Variants in SESN3 observed in about 807,000 individuals in gnomAD.
The protein encoded by SESN3 is sestrin-3.
Under a neutral mutation model 55.3 loss-of-function variants are expected in SESN3, and 21 were observed. The ratio of observed to expected loss-of-function variants is 0.38; its 90% CI spans 0.27 to 0.55. The LOEUF (loss-of-function observed/expected upper bound fraction) is 0.55, where lower values mean the gene tolerates loss of function less well. SESN3 is among the 20% of genes least tolerant of loss of function. The pLI is 0.76. For missense variants in SESN3, 408 were observed against 604.3 expected, an observed-to-expected ratio of 0.68 and a Z score of 3.41; for synonymous variants, 181 against 203.1, an observed-to-expected ratio of 0.89 and a Z score of 0.93.
At chr11:95,206,441 CA>C (rs1860548790) in intron 1 of SESN3, among the ~76,000 whole-genome samples, 1 of 151,230 alleles carries the variant, frequency 6.6e-6, no homozygotes, top group Non-Finnish European at 1.5e-5. Context: ...TCATAACATC[CA>C]AAGTTTCTCA....
At chr11:95,188,757 TA>T (rs1278572048) in intron 4 of SESN3, among the ~76,000 whole-genome samples, 5 of 151,924 alleles carry the variant, frequency 3.3e-5, no homozygotes, top group African/African-American at 1.2e-4. Context: ...GTACTGTGAT[TA>T]TTGTCATTAC....
chr11:95,208,389 A>G (rs568297237), intron 1 of SESN3, among the ~76,000 whole-genome samples: 9 of 151,600 alleles, frequency 5.9e-5, no homozygotes, highest in African/African-American at 1.9e-4. Flanking sequence ...CTTCAAATAC[A>G]GCTGTTCCTT....
intron 1 of SESN3, among the ~76,000 whole-genome samples, chr11:95,194,779 G>A (rs1860330307): frequency 6.6e-6 from 1 of 152,040 alleles, no homozygotes; most frequent in Non-Finnish European, 1.5e-5. Flanking sequence ...GAAAATAACA[G>A]GTTTCTTCCT....
In SESN3 at chr11:95,172,979, C is replaced by A; in HGVS notation, c.*276G>T. ...AAGTTAAGCATTAATACGCCAGATT[C>A]ATGATTTATGATCAGTATCCAAAAC... On this transcript the variant is annotated 3_prime_UTR_variant, in exon 10 of 10. Transcript: ENST00000536441. The A allele has an allele frequency of 3.0e-6, 1 of 333,590 alleles. No homozygotes were observed. The highest frequency in any genetic ancestry group is 5.5e-6 in the Non-Finnish European group (1 of 181,604). The allele number at this position is 333,590 out of a possible 1,614,324, so 20.7% of individuals were successfully genotyped here. A position where few individuals can be genotyped will look rare whatever the true frequency, so the allele number is the denominator to read the frequency against.
chr11:95,178,608 G>A, intron 7 of SESN3, 102 bp downstream of exon 7: 1 of 731,814 alleles, frequency 1.4e-6, no homozygotes, highest in Non-Finnish European at 2.4e-6. Flanking sequence ...AAGATTTATA[G>A]ATTCTATCAA....
At chr11:95,203,532 G>A (rs1294923394) in intron 1 of SESN3, among the ~76,000 whole-genome samples, 1 of 152,108 alleles carries the variant, frequency 6.6e-6, no homozygotes, top group Non-Finnish European at 1.5e-5. Context: ...AGTTTTGAAA[G>A]GAGCAGTCAC....
chr11:95,197,710 C>T (rs1192384335), intron 1 of SESN3, among the ~76,000 whole-genome samples: 1 of 152,106 alleles, frequency 6.6e-6, no homozygotes, highest in Non-Finnish European at 1.5e-5. Flanking sequence ...TCTATGGCTA[C>T]CATATTCTTT....
intron 1 of SESN3, among the ~76,000 whole-genome samples, chr11:95,196,339 C>T (rs1449700266): frequency 6.6e-6 from 1 of 152,178 alleles, no homozygotes; most frequent in Admixed American, 6.5e-5. Context: ...ATAAATTCTA[C>T]TCTAAACACA....
chr11:95,188,624 T>C (rs1860210328), intron 4 of SESN3, among the ~76,000 whole-genome samples: 1 of 151,918 alleles, frequency 6.6e-6, no homozygotes, highest in South Asian at 2.1e-4. Context: ...TATTCTTTCT[T>C]TGAAATGCCC....
intron 1 of SESN3, among the ~76,000 whole-genome samples, chr11:95,211,710 C>T (rs1347382677): frequency 6.6e-6 from 1 of 152,012 alleles, no homozygotes; most frequent in Non-Finnish European, 1.5e-5. Context: ...GCGGAGGTTG[C>T]AGTGAGTCGA....
At chr11:95,221,884 G>C (rs148833683) in intron 1 of SESN3, among the ~76,000 whole-genome samples, 1 of 152,222 alleles carries the variant, frequency 6.6e-6, no homozygotes, top group Non-Finnish European at 1.5e-5. Context: ...AAAAGTAAAG[G>C]CTAGTTATGG....
intron 1 of SESN3, among the ~76,000 whole-genome samples, chr11:95,199,269 T>C (rs1019624297): frequency 5.9e-5 from 9 of 152,114 alleles, no homozygotes; most frequent in Non-Finnish European, 1.3e-4. Flanking sequence ...TTTCTATGTG[T>C]CACTTGTATG....
chr11:95,220,361 C>A (rs944681033), intron 1 of SESN3, among the ~76,000 whole-genome samples: 10 of 151,844 alleles, frequency 6.6e-5, no homozygotes, highest in African/African-American at 2.4e-4. Flanking sequence ...GACACTAGAG[C>A]AGTATTAAAT....
intron 1 of SESN3, among the ~76,000 whole-genome samples, chr11:95,197,333 A>C (rs1051737130): frequency 4.6e-5 from 7 of 152,086 alleles, no homozygotes; most frequent in Admixed American, 3.9e-4. Flanking sequence ...CACAGTCTTT[A>C]GATCACAGCT....
chr11:95,195,592 T>C (rs753579092), intron 1 of SESN3, among the ~76,000 whole-genome samples: 6 of 152,228 alleles, frequency 3.9e-5, no homozygotes, highest in Non-Finnish European at 8.8e-5. Context: ...GACATCATTT[T>C]AGCAATTATC....
chr11:95,188,385 TTC>T (rs1860205500), intron 4 of SESN3, among the ~76,000 whole-genome samples: 1 of 151,740 alleles, frequency 6.6e-6, no homozygotes, highest in African/African-American at 2.4e-5. Flanking sequence ...TACACAAATA[TTC>T]TGTTAATATT....
chr11:95,211,836 GACA>G (rs1391578569), intron 1 of SESN3, among the ~76,000 whole-genome samples: 1 of 152,044 alleles, frequency 6.6e-6, no homozygotes, highest in Non-Finnish European at 1.5e-5. Flanking sequence ...AACACAACTA[GACA>G]ACATGTTTAG....
rs1320838310 is a variant in SESN3 at position 95,172,057 on chromosome 11, A to G, written c.*1198T>C. On this transcript the variant is annotated 3_prime_UTR_variant, in exon 10 of 10. Coordinates refer to ENST00000536441, the MANE Select transcript of SESN3 (RefSeq NM_144665.4). Reference sequence around the variant, plus strand: ...TAAAACTGAAAAAAGCCTGTGCAATAAAGAAATTTGAAAAAAATTTCTTTA... The same window carrying G: ...TAAAACTGAAAAAAGCCTGTGCAATGAAGAAATTTGAAAAAAATTTCTTTA... 3 of 152,186 alleles carry G rather than the reference A, an allele frequency of 2.0e-5. No homozygotes were observed. Among genetic ancestry groups the G allele is most frequent in the Non-Finnish European group, 4.4e-5 (3 of 68,014 alleles). The allele number at this position is 152,186 out of a possible 1,614,324, so 9.4% of individuals were successfully genotyped here.
chr11:95,211,555 C>G (rs1860655622), intron 1 of SESN3, among the ~76,000 whole-genome samples: 1 of 152,158 alleles, frequency 6.6e-6, no homozygotes, highest in African/African-American at 2.4e-5. Flanking sequence ...GCCACGAGGT[C>G]AGGAGTTTGA....
Sources: allele counts gnomAD v4.1 joint callset (sites outside exome capture counted in the v4.1 genomes callset), GRCh38; gene constraint gnomAD v4.1.1; transcripts MANE v1.5; gene names NCBI Gene and HGNC (gene_info 2026-07-23, HGNC 2026-07-21).